Variants in TYR observed in about 807,000 individuals in gnomAD.
TYR encodes the protein tyrosinase, also known as LB24-AB.
In TYR, 58 loss-of-function variants were observed where a neutral mutation model predicts 51.5. The ratio of observed to expected loss-of-function variants is 1.13; its 90% CI spans 0.91 to 1.40. The LOEUF is 1.40. TYR is among the 40% of genes most tolerant of loss of function. The pLI, the probability that TYR is intolerant of heterozygous loss-of-function variation, is 0.00. For missense variants in TYR, 732 were observed against 647.4 expected, an observed-to-expected ratio of 1.13 and a Z score of -1.42; for synonymous variants, 263 against 235.2, an observed-to-expected ratio of 1.12 and a Z score of -1.08.
intron 3 of TYR, among the ~76,000 whole-genome samples, chr11:89,228,776 G>C (rs1008153789): frequency 6.6e-6 from 1 of 151,974 alleles, no homozygotes; most frequent in Admixed American, 6.6e-5. Flanking sequence ...CATTACATTT[G>C]TAATGTCTTA....
At chr11:89,223,507 T>C (rs1943938820) in intron 2 of TYR, among the ~76,000 whole-genome samples, 2 of 152,234 alleles carry the variant, frequency 1.3e-5, no homozygotes, top group Non-Finnish European at 2.9e-5. Context: ...TTTCTCTGTT[T>C]TGTCACTTGA....
chr11:89,184,054 G>C (rs1230173427), intron 1 of TYR, among the ~76,000 whole-genome samples: 1 of 152,080 alleles, frequency 6.6e-6, no homozygotes, highest in Non-Finnish European at 1.5e-5. Context: ...TTTCTGACTA[G>C]AATCTTCATG....
At chr11:89,231,286 A>T (rs1478766904) in intron 3 of TYR, among the ~76,000 whole-genome samples, 3 of 152,088 alleles carry the variant, frequency 2.0e-5, no homozygotes, top group Non-Finnish European at 4.4e-5. Flanking sequence ...TAAAACTATC[A>T]TATGATTCAG....
In TYR at chr11:89,193,408, G is replaced by A. The variant is rs16912961; in HGVS notation, c.1036+1990G>A. On this transcript the variant is annotated intron_variant, in intron 2 of 4. Coordinates refer to ENST00000263321, the MANE Select transcript of TYR (RefSeq NM_000372.5). ...GAGTCTAATACACACAGGTGAGGAG[G>A]GAACAGCAGATTTACTACAAATAAT... 4.7e-3 allele frequency among the ~76,000 whole-genome samples: 713 copies of A among 152,036 alleles called. 4 individuals are homozygous for A. The highest frequency in any genetic ancestry group is 0.016 in the African/African-American group (682 of 41,476).
chr11:89,246,684 A>T (rs972805059), intron 3 of TYR, among the ~76,000 whole-genome samples: 1 of 151,898 alleles, frequency 6.6e-6, no homozygotes, highest in Non-Finnish European at 1.5e-5. Context: ...CTTCTCTTCT[A>T]CTCTACTCCC....
At chr11:89,206,030 C>G (rs1029277656) in intron 2 of TYR, among the ~76,000 whole-genome samples, 1 of 151,556 alleles carries the variant, frequency 6.6e-6, no homozygotes, top group African/African-American at 2.4e-5. Context: ...GAAATACATT[C>G]AAAAAACTTG....
chr11:89,208,299 A>G (rs775057069), intron 2 of TYR, among the ~76,000 whole-genome samples: 22 of 152,184 alleles, frequency 1.4e-4, no homozygotes, highest in Middle Eastern at 3.2e-3. Flanking sequence ...TTAAAAAGAC[A>G]AAGTTCTTTA....
chr11:89,185,394 C>A (rs937367565), intron 1 of TYR, among the ~76,000 whole-genome samples: 1 of 152,074 alleles, frequency 6.6e-6, no homozygotes, highest in Non-Finnish European at 1.5e-5. Context: ...TCAACACATA[C>A]TTTTTGTAGG....
chr11:89,249,006 T>A (rs2135297852), intron 3 of TYR, among the ~76,000 whole-genome samples: 1 of 152,108 alleles, frequency 6.6e-6, no homozygotes, highest in African/African-American at 2.4e-5. Flanking sequence ...AGAGTGGAGA[T>A]GTTTACTGAA....
At chr11:89,237,795 A>C (rs1238983470) in intron 3 of TYR, among the ~76,000 whole-genome samples, 2 of 151,850 alleles carry the variant, frequency 1.3e-5, no homozygotes, top group Non-Finnish European at 2.9e-5. Flanking sequence ...CATTTTAATA[A>C]TATTCTTTCT....
At position 89,237,305 on chromosome 11, in the gene TYR, C is replaced by A. The variant is rs142209870; in HGVS notation, c.1184+9335C>A. Among the ~76,000 whole-genome samples, 16 of 152,254 alleles carry A rather than the reference C, an allele frequency of 1.1e-4. No individual in the cohort carries two copies. In the East Asian group the frequency reaches 3.1e-3, roughly 29 times the overall value. On this transcript the variant is annotated intron_variant, in intron 3 of 4. Coordinates refer to ENST00000263321, the MANE Select transcript of TYR (RefSeq NM_000372.5). The stretch of plus-strand genomic sequence containing the variant: ...GACCCATGTCATGGAGCGTTCCCCC[C>A]ATTTTCTTCTAGCAGTTTCACAGTT...
intron 2 of TYR, among the ~76,000 whole-genome samples, chr11:89,209,831 G>C (rs1943728206): frequency 6.6e-6 from 1 of 152,134 alleles, no homozygotes; most frequent in African/African-American, 2.4e-5. Context: ...ACAGGGTCTG[G>C]AGCGGACCTC....
chr11:89,275,677 C>T (rs911850666), intron 3 of TYR, among the ~76,000 whole-genome samples: 1 of 151,742 alleles, frequency 6.6e-6, no homozygotes, highest in African/African-American at 2.4e-5. Context: ...TTCTCTAGCA[C>T]AGCCACATGG....
At chr11:89,182,251 A>G (rs930244754) in intron 1 of TYR, among the ~76,000 whole-genome samples, 2 of 152,186 alleles carry the variant, frequency 1.3e-5, no homozygotes, top group Non-Finnish European at 2.9e-5. Flanking sequence ...GGCTTTATAA[A>G]TACATGCTGA....
chr11:89,268,682 C>G (rs1020802529), intron 3 of TYR, among the ~76,000 whole-genome samples: 1 of 151,878 alleles, frequency 6.6e-6, no homozygotes, highest in African/African-American at 2.4e-5. Context: ...ACAGTTACTT[C>G]TTATCTAAAC....
intron 3 of TYR, among the ~76,000 whole-genome samples, chr11:89,270,430 A>G (rs1292171393): frequency 2.6e-5 from 4 of 151,808 alleles, no homozygotes; most frequent in Admixed American, 2.0e-4. Context: ...TTCACACTGT[A>G]CTGTGCTGAA....
At chr11:89,242,260 T>A (rs1320038526) in intron 3 of TYR, among the ~76,000 whole-genome samples, 3 of 152,106 alleles carry the variant, frequency 2.0e-5, no homozygotes, top group African/African-American at 7.2e-5. Flanking sequence ...CAGGCTGGAG[T>A]GCAGTGGTGC....
chr11:89,190,094 A>G (rs1943422813), intron 1 of TYR, among the ~76,000 whole-genome samples: 1 of 152,192 alleles, frequency 6.6e-6, no homozygotes. Context: ...ACTACATAAT[A>G]CTTGATAATG....
At chr11:89,240,149 C>T (rs1944172655) in intron 3 of TYR, among the ~76,000 whole-genome samples, 1 of 151,968 alleles carries the variant, frequency 6.6e-6, no homozygotes, top group Non-Finnish European at 1.5e-5. Flanking sequence ...GGGCTTAATA[C>T]CTGGTTGATG....
Sources: gnomAD v4.1 joint callset for allele counts (sites outside exome capture counted in the v4.1 genomes callset) on GRCh38, gnomAD v4.1.1 for gene constraint, MANE v1.5 for transcripts, NCBI Gene and HGNC (gene_info 2026-07-23, HGNC 2026-07-21) for gene names.